Variants in PDZD2 observed in about 807,000 individuals in gnomAD.
The protein encoded by PDZD2 is PDZ domain containing 2.
A neutral mutation model predicts 220.7 loss-of-function variants in PDZD2; 90 were observed. The observed-to-expected ratio is 0.41, with a 90% CI of 0.34 to 0.49. The LOEUF is 0.49. PDZD2 is among the 20% of genes least tolerant of loss of function. The pLI, the probability that PDZD2 is intolerant of heterozygous loss-of-function variation, is 0.28. For synonymous variants in PDZD2, 1,375 were observed against 1,450.5 expected, an observed-to-expected ratio of 0.95 and a Z score of 1.18; for missense variants, 3,174 against 3,608.5, an observed-to-expected ratio of 0.88 and a Z score of 3.08.
intron 2 of PDZD2, among the ~76,000 whole-genome samples, chr5:31,905,466 G>A (rs1218414926): frequency 6.6e-6 from 1 of 152,190 alleles, no homozygotes; most frequent in Non-Finnish European, 1.5e-5. Flanking sequence ...TTCTAAGCCA[G>A]TTAGTGTAAT....
At chr5:31,766,950 A>C (rs755938974) in intron 1 of PDZD2, among the ~76,000 whole-genome samples, 100 of 144,306 alleles carry the variant, frequency 6.9e-4, no homozygotes, top group South Asian at 8.9e-4. Flanking sequence ...CTGTTCTCCA[A>C]CTCCTGACCT....
chr5:31,898,145 A>T (rs1040459762), intron 2 of PDZD2, among the ~76,000 whole-genome samples: 1 of 152,240 alleles, frequency 6.6e-6, no homozygotes, highest in Non-Finnish European at 1.5e-5. Context: ...TGATGAACTC[A>T]TATGAATTAT....
At chr5:31,831,911 CAAAAA>C (rs56394577) in intron 2 of PDZD2, among the ~76,000 whole-genome samples, 18 of 63,736 alleles carry the variant, frequency 2.8e-4, no homozygotes, top group African/African-American at 3.4e-4. Context: ...GAGACTGTTT[CAAAAA>C]AAAAAAAAAA....
intron 20 of PDZD2, 144 bp downstream of exon 20, chr5:32,091,319 C>A: frequency 1.6e-6 from 1 of 610,016 alleles, no homozygotes; most frequent in Non-Finnish European, 2.5e-6. Flanking sequence ...GAGCATCGCT[C>A]TGTCGCCCAG....
chr5:31,935,168 A>G (rs927450414), intron 2 of PDZD2, among the ~76,000 whole-genome samples: 2 of 152,100 alleles, frequency 1.3e-5, no homozygotes, highest in Admixed American at 1.3e-4. Context: ...CCTTACAAGT[A>G]TAGCTAACAA....
intron 18 of PDZD2, 106 bp from the exon 19 acceptor site, chr5:32,077,356 C>T (rs1196144419): frequency 9.0e-7 from 1 of 1,114,704 alleles, no homozygotes; most frequent in Non-Finnish European, 1.3e-6. Flanking sequence ...GTCCAGGGCC[C>T]CTTTGCCTTT....
chr5:31,675,131 A>G (rs1365353254), intron 1 of PDZD2, among the ~76,000 whole-genome samples: 1 of 150,676 alleles, frequency 6.6e-6, no homozygotes, highest in Admixed American at 6.6e-5. Context: ...CTATCAGCCA[A>G]TCCTCTAAAA....
At chr5:32,049,167 C>A (rs555557608) in intron 8 of PDZD2, among the ~76,000 whole-genome samples, 2 of 152,144 alleles carry the variant, frequency 1.3e-5, no homozygotes, top group South Asian at 4.2e-4. Flanking sequence ...TAGAGGGGGG[C>A]TGCACTAGCT....
rs114073572 is a variant in PDZD2 at position 31,714,413 on chromosome 5, G to C, written c.-361+74976G>C. Among the ~76,000 whole-genome samples, 406 of 152,278 alleles carry C rather than the reference G, an allele frequency of 2.7e-3. 1 individual carries two copies. The highest frequency in any genetic ancestry group is 9.1e-3 in the African/African-American group (379 of 41,534). On this transcript the variant is annotated intron_variant, in intron 1 of 24. Transcript: ENST00000438447. ...TGTAGATGCTTCTATCAATATTCTG[G>C]TAGATGGATGGGGGATGTTTAAAGA...
intron 7 of PDZD2, among the ~76,000 whole-genome samples, chr5:32,045,954 T>G (rs548132993): frequency 6.6e-6 from 1 of 152,172 alleles, no homozygotes; most frequent in East Asian, 1.9e-4. Flanking sequence ...ACTTTCAGAG[T>G]AATATTTAGG....
chr5:31,663,490 AT>A (rs2150113322), intron 1 of PDZD2, among the ~76,000 whole-genome samples: 1 of 152,300 alleles, frequency 6.6e-6, no homozygotes, highest in East Asian at 1.9e-4. Context: ...AGAAAAAAAA[AT>A]AAACAAGTGT....
rs766066880 is a variant in PDZD2 at position 32,088,209 on chromosome 5, C to T, written c.4761C>T (p.His1587=). ...CTCCTCGTTCCCGTGTGTCTTTGCA[C>T]AAGGAAGATCCTTCGGAGTCAGAAG... ...WSPPRSRVSL[H]KEDPSESEEE... Residue 1587 remains histidine (H), a synonymous_variant, in exon 20 of 25, where the codon CAC becomes CAT. Transcript: ENST00000438447. This position sits in a 1 kb window ranked among gnomAD's most constrained non-coding sequence, Gnocchi z 4.6. 5.0e-6 allele frequency: 8 copies of T among 1,614,142 alleles called. No homozygotes were observed. Among genetic ancestry groups the T allele is most frequent in the Middle Eastern group, 1.6e-4 (1 of 6,062 alleles).
intron 1 of PDZD2, among the ~76,000 whole-genome samples, chr5:31,788,807 C>G (rs1753536728): frequency 6.6e-6 from 1 of 152,226 alleles, no homozygotes; most frequent in Non-Finnish European, 1.5e-5. Flanking sequence ...GACTGCACAA[C>G]TATGCTAATG....
chr5:32,039,130 C>T (rs546918968), intron 7 of PDZD2, among the ~76,000 whole-genome samples: 26 of 152,172 alleles, frequency 1.7e-4, no homozygotes, highest in Admixed American at 7.2e-4. Context: ...CTCCTTTCTA[C>T]GGTCTCCCTC....
At chr5:32,032,564 A>G (rs1193291242) in intron 6 of PDZD2, among the ~76,000 whole-genome samples, 2 of 152,066 alleles carry the variant, frequency 1.3e-5, no homozygotes, top group African/African-American at 4.8e-5. Flanking sequence ...AGTCAGATCC[A>G]TTGCCACGTG....
rs1377884643 is a variant in PDZD2, at chr5:31,721,543, AAGTATT to A, written c.-360-77343_-360-77338del. Among the ~76,000 whole-genome samples, 14 of 150,170 alleles carry A rather than the reference AAGTATT, an allele frequency of 9.3e-5. 1 individual carries two copies. Among genetic ancestry groups the A allele is most frequent in the Admixed American group, 9.2e-4 (14 of 15,138 alleles). ...TTTTTTTTTTTTTTTTTTTTAGAAA[AAGTATT>A]AGGAAACTAATAAGGAAAGGAAAGG... On this transcript the variant is annotated intron_variant, in intron 1 of 24. Transcript: ENST00000438447.
intron 2 of PDZD2, among the ~76,000 whole-genome samples, chr5:31,828,558 G>A (rs573520218): frequency 3.3e-5 from 5 of 152,230 alleles, no homozygotes; most frequent in Non-Finnish European, 5.9e-5. Flanking sequence ...CATGAGTGCA[G>A]TGCAGAGGCT....
rs1745130355 is a variant in PDZD2, at chr5:32,109,262, A to C, written c.*1127A>C. 1 of 151,992 alleles carries C rather than the reference A, an allele frequency of 6.6e-6. No individual in the cohort carries two copies. The highest frequency in any genetic ancestry group is 1.5e-5 in the Non-Finnish European group (1 of 68,010). 9.4% of individuals were successfully genotyped at this position (151,992 alleles called of 1,614,324 possible). A position where few individuals can be genotyped will look rare whatever the true frequency, so the allele number is the denominator to read the frequency against. On this transcript the variant is annotated 3_prime_UTR_variant, in exon 25 of 25. Coordinates refer to ENST00000438447, the MANE Select transcript of PDZD2 (RefSeq NM_178140.4). ...AGAAATGTAACATTCTAAGTATTGGATCTCTTTTCTTGACCTAGTATAATG... is the reference window on the plus strand; with the variant it reads ...AGAAATGTAACATTCTAAGTATTGGCTCTCTTTTCTTGACCTAGTATAATG...
chr5:31,776,861 G>T (rs1256791939), intron 1 of PDZD2, among the ~76,000 whole-genome samples: 1 of 151,450 alleles, frequency 6.6e-6, no homozygotes, highest in Non-Finnish European at 1.5e-5. Flanking sequence ...GTTTCACCAT[G>T]TTGGCCAGGC....
Sources: gnomAD v4.1 joint callset for allele counts (sites outside exome capture counted in the v4.1 genomes callset) on GRCh38, gnomAD v4.1.1 for gene constraint, Gnocchi (gnomAD v3.1) non-coding constraint, MANE v1.5 for transcripts, NCBI Gene and HGNC (gene_info 2026-07-23, HGNC 2026-07-21) for gene names.